Variants in FUT9 observed in about 807,000 individuals in gnomAD.
The protein encoded by FUT9 is fucosyltransferase 9.
A neutral mutation model predicts 29.7 loss-of-function variants in FUT9; 15 were observed. That is an observed-to-expected ratio of 0.51 (90% CI 0.34 to 0.78). FUT9 has a LOEUF of 0.78. FUT9 is among the 30% of genes least tolerant of loss of function. The pLI is 0.01. For synonymous variants in FUT9, 169 were observed against 153.7 expected, an observed-to-expected ratio of 1.10 and a Z score of -0.74; for missense variants, 319 against 425.4, an observed-to-expected ratio of 0.75 and a Z score of 2.20.
At chr6:96,139,978 C>T (rs1429280431) in intron 2 of FUT9, among the ~76,000 whole-genome samples, 1 of 152,144 alleles carries the variant, frequency 6.6e-6, no homozygotes, top group Non-Finnish European at 1.5e-5. Context: ...TGAATTTCTA[C>T]CCCCAAAATG....
At position 96,061,985 on chromosome 6, in the gene FUT9, G is replaced by A. The variant is rs191713222; in HGVS notation, c.-98+45773G>A. On this transcript the variant is annotated intron_variant, in intron 1 of 2. Coordinates refer to ENST00000302103, the MANE Select transcript of FUT9 (RefSeq NM_006581.4). ...TGATCCATACTTTGGAAGTCAATTC[G>A]ATCTTTACCATTCCCATGGATTGGC... 1.4e-3 allele frequency among the ~76,000 whole-genome samples: 217 copies of A among 152,126 alleles called. 1 individual carries two copies. Among genetic ancestry groups the A allele is most frequent in the African/African-American group, 5.1e-3 (213 of 41,472 alleles).
intron 2 of FUT9, among the ~76,000 whole-genome samples, chr6:96,142,754 AT>A (rs1399067495): frequency 2.0e-5 from 3 of 152,178 alleles, no homozygotes; most frequent in African/African-American, 7.2e-5. Context: ...ATGCTTAAAA[AT>A]ATTTTTTAAA....
At chr6:96,045,148 T>C (rs1770541121) in intron 1 of FUT9, among the ~76,000 whole-genome samples, 1 of 152,176 alleles carries the variant, frequency 6.6e-6, no homozygotes, top group African/African-American at 2.4e-5. Flanking sequence ...TTGATTGATC[T>C]GCCATTATAC....
rs1012322446 is a variant in FUT9, at chr6:96,209,386, C to T, written c.*5151C>T. 17 of 166,890 alleles carry T rather than the reference C, an allele frequency of 1.0e-4. No individual in the cohort carries two copies. The highest frequency in any genetic ancestry group is 2.2e-4 in the Non-Finnish European group (15 of 68,034). 10.3% of individuals were successfully genotyped at this position (166,890 alleles called of 1,614,324 possible). The stretch of plus-strand genomic sequence containing the variant: ...ATATAGAAAGTGCTCAATTAACTGA[C>T]ATTCCTCCTGTATTTCCTCCCTCCC... On this transcript the variant is annotated 3_prime_UTR_variant, in exon 3 of 3. Coordinates refer to ENST00000302103, the MANE Select transcript of FUT9 (RefSeq NM_006581.4).
At chr6:96,176,968 C>T (rs982450549) in intron 2 of FUT9, among the ~76,000 whole-genome samples, 1 of 152,122 alleles carries the variant, frequency 6.6e-6, no homozygotes, top group Non-Finnish European at 1.5e-5. Context: ...GCATCTACAT[C>T]CCACCCATAC....
chr6:96,158,968 T>A (rs2127979219), intron 2 of FUT9, among the ~76,000 whole-genome samples: 1 of 152,312 alleles, frequency 6.6e-6, no homozygotes, highest in Admixed American at 6.5e-5. Context: ...AACATTATAG[T>A]AACCACTAAT....
chr6:96,026,708 T>A (rs756225597), intron 1 of FUT9, among the ~76,000 whole-genome samples: 25 of 151,700 alleles, frequency 1.6e-4, no homozygotes, highest in South Asian at 1.0e-3. Flanking sequence ...AGCATAATTG[T>A]CATCTTCTCT....
intron 2 of FUT9, among the ~76,000 whole-genome samples, chr6:96,146,737 A>G (rs1772574517): frequency 6.6e-6 from 1 of 152,176 alleles, no homozygotes; most frequent in South Asian, 2.1e-4. Context: ...ACTTGGTGAA[A>G]GTTTTGTTTT....
intron 1 of FUT9, among the ~76,000 whole-genome samples, chr6:96,047,793 C>T (rs758149667): frequency 2.6e-5 from 4 of 152,152 alleles, no homozygotes; most frequent in Non-Finnish European, 5.9e-5. Context: ...AGAAAGATTT[C>T]CTGAAATCTC....
At chr6:96,067,133 T>C (rs1282674147) in intron 1 of FUT9, among the ~76,000 whole-genome samples, 1 of 149,864 alleles carries the variant, frequency 6.7e-6, no homozygotes, top group Non-Finnish European at 1.5e-5. Flanking sequence ...GATATATATG[T>C]ATACATATAT....
In FUT9 at chr6:96,033,213, A is replaced by G. The variant is rs1582182386; in HGVS notation, c.-98+17001A>G. On this transcript the variant is annotated intron_variant, in intron 1 of 2. Coordinates refer to ENST00000302103, the MANE Select transcript of FUT9 (RefSeq NM_006581.4). ...GCTTATTTGTTATCAGTAGTTTCAT[A>G]ACCACTGCCAAGCTTTGTTCTAAGA... is the stretch of plus-strand genomic sequence containing the variant. Among the ~76,000 whole-genome samples the G allele has an allele frequency of 2.6e-5, 4 of 151,832 alleles. No individual in the cohort carries two copies. In the East Asian group the frequency reaches 7.8e-4, roughly 29 times the overall value.
chr6:96,105,581 G>A (rs1226399083), intron 1 of FUT9, among the ~76,000 whole-genome samples: 1 of 152,100 alleles, frequency 6.6e-6, no homozygotes, highest in Non-Finnish European at 1.5e-5. Context: ...GATTTCCCAA[G>A]AGCCTTTTGT....
chr6:96,070,629 G>C (rs1222799755), intron 1 of FUT9, among the ~76,000 whole-genome samples: 4 of 152,150 alleles, frequency 2.6e-5, no homozygotes, highest in African/African-American at 9.7e-5. Flanking sequence ...AGAGGTTACA[G>C]TGAGCCGAGA....
chr6:96,177,308 G>A (rs1053211308), intron 2 of FUT9, among the ~76,000 whole-genome samples: 3 of 151,820 alleles, frequency 2.0e-5, no homozygotes, highest in Non-Finnish European at 4.4e-5. Flanking sequence ...CACCCCCAAG[G>A]TAAAATAGAT....
chr6:96,164,360 G>A (rs906372088), intron 2 of FUT9, among the ~76,000 whole-genome samples: 12 of 145,764 alleles, frequency 8.2e-5, no homozygotes, highest in Admixed American at 6.5e-4. Flanking sequence ...CTGGGTTCAC[G>A]CCATTCTCCT....
At chr6:96,110,837 A>ATTTATTTATTTAT (rs1562128554) in intron 1 of FUT9, among the ~76,000 whole-genome samples, 5 of 151,378 alleles carry the variant, frequency 3.3e-5, no homozygotes, top group Admixed American at 2.6e-4. Flanking sequence ...TTATTTATTT[A>ATTTATTTATTTAT]TTTTTTGTAG....
intron 1 of FUT9, among the ~76,000 whole-genome samples, chr6:96,051,930 T>G (rs1770678169): frequency 6.6e-6 from 1 of 152,148 alleles, no homozygotes; most frequent in African/African-American, 2.4e-5. Flanking sequence ...TTTTCCACAA[T>G]CTTTGAGAAT....
intron 1 of FUT9, among the ~76,000 whole-genome samples, chr6:96,105,359 A>T (rs1452482961): frequency 1.3e-5 from 2 of 152,204 alleles, no homozygotes; most frequent in East Asian, 3.8e-4. Flanking sequence ...TTTCTTTCCC[A>T]GAACATTCAT....
At chr6:96,113,584 G>A (rs1006173374) in intron 1 of FUT9, among the ~76,000 whole-genome samples, 7 of 151,626 alleles carry the variant, frequency 4.6e-5, no homozygotes, top group East Asian at 3.9e-4. Flanking sequence ...GGCTGGGTGC[G>A]GTGGCTCACG....
Sources: gnomAD v4.1 joint callset for allele counts (sites outside exome capture counted in the v4.1 genomes callset) on GRCh38, gnomAD v4.1.1 for gene constraint, MANE v1.5 for transcripts, NCBI Gene and HGNC (gene_info 2026-07-23, HGNC 2026-07-21) for gene names.